The following MAP3K9 variants were observed in gnomAD, a reference collection of about 807,000 sequenced individuals.
MAP3K9 encodes mixed lineage kinase 1 (tyr and ser/thr specificity).
In MAP3K9, 46 loss-of-function variants were observed where a neutral mutation model predicts 95.8. The observed-to-expected ratio is 0.48, with a 90% CI of 0.38 to 0.61. The LOEUF is 0.61. Among genes scored for constraint, MAP3K9 ranks in the 20% least tolerant of loss-of-function variants. The probability of loss-of-function intolerance (pLI) is 0.00; values close to 1 mark genes in which losing one functional copy is unlikely to be tolerated. For synonymous variants in MAP3K9, 533 were observed against 593.8 expected, an observed-to-expected ratio of 0.90 and a Z score of 1.49; for missense variants, 1,296 against 1,474.3, an observed-to-expected ratio of 0.88 and a Z score of 1.98.
rs142743756 is a variant in MAP3K9 at position 70,732,616 on chromosome 14, T to A, written c.2753A>T (p.Asp918Val). The A allele has an allele frequency of 1.6e-5, 26 of 1,606,790 alleles. No individual in the cohort carries two copies. In the African/African-American group the frequency reaches 3.2e-4, roughly 20 times the overall value. Residue 918 changes from aspartate to valine, a missense_variant, in exon 11 of 12, where the codon GAT becomes GTT. Around this residue, in one of 5 missense-constraint regions of MAP3K9, gnomAD observed 433 missense variants for 441.4 expected, o/e 0.98. Coordinates refer to ENST00000554752, the MANE Select transcript of MAP3K9 (RefSeq NM_001284230.2). Reference protein sequence around the residue: ...QPSSHRRTPSDGALKPETLLA... With the variant: ...QPSSHRRTPSVGALKPETLLA... ...GAGAGTCTCTGGCTTAAGGGCCCCA[T>A]CAGAAGGAGTCCGCCGGTGACTGCT... is the stretch of plus-strand genomic sequence containing the variant.
chr14:70,797,092 C>T (rs2054873037), intron 2 of MAP3K9, among the ~76,000 whole-genome samples: 1 of 152,148 alleles, frequency 6.6e-6, no homozygotes, highest in South Asian at 2.1e-4. Flanking sequence ...ACACTTTTTA[C>T]TGAACCTTTC....
rs2139830622 is a variant in MAP3K9 at position 70,783,429 on chromosome 14, A to G, written c.820+17238T>C. The G allele has an allele frequency of 3.1e-6, 3 of 982,872 alleles. No individual in the cohort carries two copies. In the African/African-American group the frequency reaches 5.3e-5, roughly 17 times the overall value. 60.9% of individuals were successfully genotyped at this position (982,872 alleles called of 1,614,324 possible). A position where few individuals can be genotyped will look rare whatever the true frequency, so the allele number is the denominator to read the frequency against. On this transcript the variant is annotated intron_variant, in intron 2 of 11. Coordinates refer to ENST00000554752, the MANE Select transcript of MAP3K9 (RefSeq NM_001284230.2). The stretch of plus-strand genomic sequence containing the variant: ...AAAGAAGCTCCCTCATTTCCTGCTC[A>G]AAATTCCTCCCAAAAGAGCTCCTGA...
At chr14:70,792,200 C>G (rs184356693) in intron 2 of MAP3K9, among the ~76,000 whole-genome samples, 1 of 152,332 alleles carries the variant, frequency 6.6e-6, no homozygotes, top group East Asian at 1.9e-4. Context: ...TGGCTGCTAG[C>G]TAACCTCTGG....
In MAP3K9 at chr14:70,738,326, T is replaced by A. The variant is rs1350802161; in HGVS notation, c.1763A>T (p.Glu588Val). 1 of 1,612,924 alleles carries A rather than the reference T, an allele frequency of 6.2e-7. No homozygotes were observed. Among genetic ancestry groups the A allele is most frequent in the Admixed American group, 1.7e-5 (1 of 59,900 alleles). Residue 588 changes from glutamate to valine, a missense_variant, in exon 8 of 12, where the codon GAG (glutamate) becomes GTG (valine). By Grantham distance (121) the Glu-to-Val change is moderately radical. Around this residue, in one of 5 missense-constraint regions of MAP3K9, gnomAD observed 377 missense variants for 417.1 expected, o/e 0.90. Transcript: ENST00000554752. ...TCCCTTCTTCTTTGGGGCCCTCTTC[T>A]CCTCCTCCTCCCCTTCCTCCTTTGG... ...VVPKEEGEEEEKRAPKKKGRT... is the reference protein window; with the variant it reads ...VVPKEEGEEEVKRAPKKKGRT...
In MAP3K9 at chr14:70,728,355, C is replaced by G. The variant is rs2053848329; in HGVS notation, c.*2025G>C. The G allele has an allele frequency of 1.3e-5, 2 of 152,098 alleles. No homozygotes were observed. The highest frequency in any genetic ancestry group is 4.8e-5 in the African/African-American group (2 of 41,408). The allele number at this position is 152,098 out of a possible 1,614,324, so 9.4% of individuals were successfully genotyped here. ...GTCAGGCTGGTCTCGAACTCCCGAC[C>G]TCAGGTGATCCACCTGCCTCTGCCT... is the stretch of plus-strand genomic sequence containing the variant. On this transcript the variant is annotated 3_prime_UTR_variant, in exon 12 of 12. Transcript: ENST00000554752.
At chr14:70,783,352 C>T in intron 2 of MAP3K9, 9 of 985,218 alleles carry the variant, frequency 9.1e-6, no homozygotes, top group Non-Finnish European at 1.1e-5. Context: ...ATATGATCCA[C>T]AGCAACGCTT....
rs1030405523 is a variant in MAP3K9 at position 70,730,305 on chromosome 14, T to C, written c.*75A>G. 2 of 1,536,742 alleles carry C rather than the reference T, an allele frequency of 1.3e-6. No individual in the cohort carries two copies. Among genetic ancestry groups the C allele is most frequent in the Admixed American group, 2.0e-5 (1 of 51,272 alleles). On this transcript the variant is annotated 3_prime_UTR_variant, in exon 12 of 12. Coordinates refer to ENST00000554752, the MANE Select transcript of MAP3K9 (RefSeq NM_001284230.2). ...GGCTGGATCTCAGGGGGTCCAACCC[T>C]GAGAAAGGGCTGTGCCCGCCAGCTC...
chr14:70,734,334 G>T, intron 10 of MAP3K9, 52 bp downstream of exon 10: 2 of 1,273,254 alleles, frequency 1.6e-6, no homozygotes, highest in Non-Finnish European at 2.3e-6. Flanking sequence ...GGGCAAGAAT[G>T]CCCCCAGGGA....
chr14:70,743,555 A>T (rs1005144872), intron 5 of MAP3K9, among the ~76,000 whole-genome samples: 4 of 152,196 alleles, frequency 2.6e-5, no homozygotes, highest in Non-Finnish European at 4.4e-5. Context: ...GGATATGAAC[A>T]GACACTTCTC....
chr14:70,805,173 C>T (rs759609365), intron 1 of MAP3K9, among the ~76,000 whole-genome samples: 16 of 152,278 alleles, frequency 1.1e-4, no homozygotes, highest in Non-Finnish European at 1.8e-4. Flanking sequence ...CCCTCTCAAT[C>T]GTATGCTTGG....
At chr14:70,732,511 G>A in intron 11 of MAP3K9, 28 bp downstream of exon 11, 1 of 1,516,368 alleles carries the variant, frequency 6.6e-7, no homozygotes, top group Non-Finnish European at 8.8e-7. Context: ...CACAAAGAAA[G>A]GAAAGAGAAA....
chr14:70,794,443 C>T (rs140364758), intron 2 of MAP3K9, among the ~76,000 whole-genome samples: 73 of 152,216 alleles, frequency 4.8e-4, no homozygotes, highest in Non-Finnish European at 9.4e-4. Flanking sequence ...CACTAGGCCA[C>T]ACAGAACAAC....
At chr14:70,733,776 C>A in intron 10 of MAP3K9, 1 of 718,340 alleles carries the variant, frequency 1.4e-6, no homozygotes, top group Non-Finnish European at 2.6e-6. Context: ...CGATGGGCAC[C>A]ACCCAACTGG....
rs193103227 is a variant in MAP3K9, at chr14:70,772,598, G to T, written c.821-11416C>A. 8.8e-4 allele frequency among the ~76,000 whole-genome samples: 134 copies of T among 152,168 alleles called. 1 individual carries two copies. The highest frequency in any genetic ancestry group is 3.4e-3 in the Middle Eastern group (1 of 294). On this transcript the variant is annotated intron_variant, in intron 2 of 11. Coordinates refer to ENST00000554752, the MANE Select transcript of MAP3K9 (RefSeq NM_001284230.2). ...TCCCCAGCTACCTGTTCCAGGGCTG[G>T]CCATATTGGAGTCCCCTGAGAAGCT...
Position 70,782,531 on chromosome 14 carries a change from G to C in MAP3K9, c.820+18136C>G, listed in dbSNP as rs185330187. Among the ~76,000 whole-genome samples the C allele has an allele frequency of 5.9e-5, 9 of 152,260 alleles. No individual in the cohort carries two copies. In the East Asian group the frequency reaches 1.7e-3, roughly 29 times the overall value. ...CCAACCACAAAGGCTCGAAACACTG[G>C]GAGTTGCCATTGTGAACCACAAGTC... On this transcript the variant is annotated intron_variant, in intron 2 of 11. Transcript: ENST00000554752.
chr14:70,803,210 G>A (rs988075056), intron 1 of MAP3K9, among the ~76,000 whole-genome samples: 1 of 151,774 alleles, frequency 6.6e-6, no homozygotes. Context: ...TCCCGTACAG[G>A]CTGCAGAACC....
intron 2 of MAP3K9, among the ~76,000 whole-genome samples, chr14:70,768,108 A>T (rs2054482138): frequency 6.6e-6 from 1 of 152,214 alleles, no homozygotes; most frequent in South Asian, 2.1e-4. Context: ...GGGTGACTAT[A>T]GTCAAAATAA....
chr14:70,797,327 C>T (rs1288601402), intron 2 of MAP3K9, among the ~76,000 whole-genome samples: 3 of 151,934 alleles, frequency 2.0e-5, no homozygotes, highest in Admixed American at 6.6e-5. Context: ...GTTATGGCTC[C>T]CAAGCTGGAG....
chr14:70,732,900 C>T lies in MAP3K9; in HGVS notation c.2469G>A (p.Leu823=). ...GGGAGGCAGAGGGGTCTCCTAGCAA[C>T]AGCATGGGCTCCTCCTTCTTGAAAA... The part of the protein sequence containing the change: ...RKLFKKEEPM[L]LLGDPSASLT... Residue 823 remains leucine, a synonymous_variant, in exon 11 of 12, where the codon CTG becomes CTA. Transcript: ENST00000554752. 2 of 1,613,924 alleles carry T rather than the reference C, an allele frequency of 1.2e-6. No individual in the cohort carries two copies. Among genetic ancestry groups the T allele is most frequent in the Non-Finnish European group, 1.7e-6 (2 of 1,179,866 alleles).
Sources: gnomAD v4.1 joint callset for allele counts (sites outside exome capture counted in the v4.1 genomes callset) on GRCh38, gnomAD v4.1.1 for gene constraint, gnomAD v4.1.1 regional missense constraint, MANE v1.5 for transcripts, NCBI Gene and HGNC (gene_info 2026-07-23, HGNC 2026-07-21) for gene names.